Variants in SNX4 observed in about 807,000 individuals in gnomAD.
SNX4 encodes the protein sorting nexin-4.
In SNX4, 49 loss-of-function variants were observed where a neutral mutation model predicts 70.8. That is an observed-to-expected ratio of 0.69 (90% confidence interval 0.55 to 0.88). SNX4 has a LOEUF of 0.88. Among genes scored for constraint, SNX4 ranks in the 40% least tolerant of loss-of-function variants. The pLI is 0.00. For missense variants in SNX4, 528 were observed against 544.8 expected (o/e 0.97, Z 0.31); for synonymous variants, 206 against 183.8 (o/e 1.12, Z -0.98).
intron 1 of SNX4, among the ~76,000 whole-genome samples, chr3:125,515,126 C>G (rs916621131): frequency 6.6e-6 from 1 of 152,076 alleles, no homozygotes; most frequent in African/African-American, 2.4e-5. Context: ...GGCAGGAGGA[C>G]TGCTTGAGGC....
chr3:125,493,875 A>G (rs1934720412), intron 5 of SNX4, among the ~76,000 whole-genome samples: 1 of 151,524 alleles, frequency 6.6e-6, no homozygotes, highest in South Asian at 2.1e-4. Context: ...ACTAAAAAAT[A>G]CAAAACAAAA....
At chr3:125,452,912 C>T (rs1177066871) in intron 12 of SNX4, among the ~76,000 whole-genome samples, 18 of 152,072 alleles carry the variant, frequency 1.2e-4, no homozygotes, top group Admixed American at 2.6e-4. Flanking sequence ...CTACCGCGCC[C>T]GGCCTGTCTT....
chr3:125,504,078 C>T lies in SNX4; in HGVS notation c.263+545G>A, dbSNP rs566994687. Among the ~76,000 whole-genome samples, 5 of 152,098 alleles carry T rather than the reference C, an allele frequency of 3.3e-5. 1 individual carries two copies. The East Asian group carries it at 5.8e-4, about 18-fold the overall frequency. On this transcript the variant is annotated intron_variant, in intron 2 of 13. Coordinates refer to ENST00000251775, the MANE Select transcript of SNX4 (RefSeq NM_003794.4). Reference sequence around the variant, plus strand: ...AGACACAGTGGCTCACACTTGTAATCCGAACACTTTGGGAGGCCGAGGCGG... The same window carrying T: ...AGACACAGTGGCTCACACTTGTAATTCGAACACTTTGGGAGGCCGAGGCGG...
chr3:125,512,040 A>C (rs1418274584), intron 1 of SNX4, among the ~76,000 whole-genome samples: 1 of 152,212 alleles, frequency 6.6e-6, no homozygotes, highest in Non-Finnish European at 1.5e-5. Flanking sequence ...CAAAAATCTC[A>C]GTCCTCAAGG....
intron 2 of SNX4, among the ~76,000 whole-genome samples, chr3:125,503,711 T>C (rs1934980496): frequency 1.3e-5 from 2 of 152,188 alleles, no homozygotes; most frequent in Non-Finnish European, 2.9e-5. Context: ...GGTATTCTTT[T>C]ACAGAATTGC....
At chr3:125,479,922 T>TA (rs992535649) in intron 7 of SNX4, among the ~76,000 whole-genome samples, 2 of 151,754 alleles carry the variant, frequency 1.3e-5, no homozygotes, top group South Asian at 2.1e-4. Context: ...CACGGACCTT[T>TA]AAAAAAAACA....
chr3:125,510,364 G>A (rs1453916264), intron 1 of SNX4, among the ~76,000 whole-genome samples: 3 of 151,872 alleles, frequency 2.0e-5, no homozygotes, highest in East Asian at 3.9e-4. Flanking sequence ...CCGAGAAGCT[G>A]GGACTACAGG....
chr3:125,459,428 C>A (rs559475831), intron 10 of SNX4, among the ~76,000 whole-genome samples: 1 of 152,154 alleles, frequency 6.6e-6, no homozygotes, highest in East Asian at 1.9e-4. Flanking sequence ...GCAGAGAATT[C>A]CACTGTACTC....
At chr3:125,508,751 G>T (rs367900937) in intron 1 of SNX4, among the ~76,000 whole-genome samples, 1 of 152,062 alleles carries the variant, frequency 6.6e-6, no homozygotes, top group Non-Finnish European at 1.5e-5. Flanking sequence ...ATTTTGTGAC[G>T]AGACAGTTCG....
At chr3:125,450,018 G>T (rs1196402286) in intron 13 of SNX4, among the ~76,000 whole-genome samples, 1 of 152,234 alleles carries the variant, frequency 6.6e-6, no homozygotes, top group Non-Finnish European at 1.5e-5. Context: ...GCCAGGGCGG[G>T]AGGACTGCTT....
chr3:125,477,973 C>T (rs994155564), intron 7 of SNX4, among the ~76,000 whole-genome samples: 1 of 152,128 alleles, frequency 6.6e-6, no homozygotes, highest in African/African-American at 2.4e-5. Flanking sequence ...CATAGTCCTA[C>T]TCCTACTTGA....
intron 2 of SNX4, among the ~76,000 whole-genome samples, chr3:125,502,599 G>A (rs1934953556): frequency 6.6e-6 from 1 of 151,686 alleles, no homozygotes; most frequent in African/African-American, 2.4e-5. Flanking sequence ...GGCCGGATGC[G>A]GTGGCTCGTG....
At chr3:125,481,067 C>A (rs1197097675) in intron 6 of SNX4, among the ~76,000 whole-genome samples, 1 of 152,194 alleles carries the variant, frequency 6.6e-6, no homozygotes, top group Admixed American at 6.5e-5. Context: ...TCAATATCCA[C>A]CCCTTTTATA....
chr3:125,502,607 G>A (rs11926560), intron 2 of SNX4, among the ~76,000 whole-genome samples: 76,700 of 151,380 alleles, frequency 0.51, 19,934 homozygotes, highest in African/African-American at 0.63. Context: ...GCGGTGGCTC[G>A]TGCCTGTAAT....
At chr3:125,448,945 G>A (rs1328591251) in intron 13 of SNX4, 1 of 151,810 alleles carries the variant, frequency 6.6e-6, no homozygotes, top group Non-Finnish European at 1.5e-5. Flanking sequence ...CCAAAATGCT[G>A]GGATTACAGG....
chr3:125,509,244 C>A (rs1345741153), intron 1 of SNX4, among the ~76,000 whole-genome samples: 1 of 150,914 alleles, frequency 6.6e-6, no homozygotes, highest in Non-Finnish European at 1.5e-5. Context: ...GCAGGACAAT[C>A]GCTTGAACCT....
intron 5 of SNX4, 124 bp from the exon 6 acceptor site, chr3:125,489,587 CA>C (rs1579996549): frequency 1.4e-6 from 1 of 710,960 alleles, no homozygotes. Flanking sequence ...TTGTTGTAAA[CA>C]CATTAAACAT....
chr3:125,451,211 T>A (rs916954758), intron 13 of SNX4, 94 bp downstream of exon 13: 1 of 623,048 alleles, frequency 1.6e-6, no homozygotes, highest in South Asian at 3.3e-5. Context: ...AAGAGAAGAA[T>A]AAAAATGAAA....
At chr3:125,488,647 T>C (rs936561191) in intron 6 of SNX4, among the ~76,000 whole-genome samples, 155 of 152,288 alleles carry the variant, frequency 1.0e-3, no homozygotes, top group Non-Finnish European at 7.5e-4. Flanking sequence ...CATCAGAATA[T>C]GCAGACCCCA....
Sources: gnomAD v4.1 joint callset for allele counts (sites outside exome capture counted in the v4.1 genomes callset) on GRCh38, gnomAD v4.1.1 for gene constraint, MANE v1.5 for transcripts, NCBI Gene and HGNC (gene_info 2026-07-23, HGNC 2026-07-21) for gene names.